MCC: variants seen among roughly 807,000 people sequenced by gnomAD.
The protein encoded by MCC is MCC regulator of Wnt signaling pathway.
In MCC, 90 loss-of-function variants were observed where a neutral mutation model predicts 116.2. The observed-to-expected ratio is 0.77, with a 90% confidence interval of 0.65 to 0.92. The LOEUF (loss-of-function observed/expected upper bound fraction) is 0.92, where lower values mean the gene tolerates loss of function less well. Among genes scored for constraint, MCC ranks in the 40% least tolerant of loss-of-function variants. MCC has a pLI of 0.00. For synonymous variants in MCC, 578 were observed against 510.5 expected (o/e 1.13, Z -1.78); for missense variants, 1,516 against 1,312.2 (o/e 1.16, Z -2.40).
intron 3 of MCC, among the ~76,000 whole-genome samples, chr5:113,153,499 C>G (rs77859271): frequency 0.13 from 19,337 of 152,194 alleles, 1,692 homozygotes; most frequent in African/African-American, 0.25. Flanking sequence ...TTCTGGCCTA[C>G]CAGCTCTCCA....
At chr5:113,251,124 C>G (rs115274433) in intron 3 of MCC, among the ~76,000 whole-genome samples, 2,121 of 152,320 alleles carry the variant, frequency 0.014, 57 homozygotes, top group African/African-American at 0.048. Context: ...AAAATAAAGT[C>G]ACCCAGTCTT....
At chr5:113,358,714 T>C (rs550596231) in intron 2 of MCC, among the ~76,000 whole-genome samples, 2 of 152,192 alleles carry the variant, frequency 1.3e-5, no homozygotes, top group African/African-American at 2.4e-5. Flanking sequence ...GGGATAATTT[T>C]AACAAATTGG....
intron 6 of MCC, among the ~76,000 whole-genome samples, chr5:113,119,926 G>C (rs1332865781): frequency 6.6e-6 from 1 of 152,210 alleles, no homozygotes; most frequent in African/African-American, 2.4e-5. Flanking sequence ...GAGGACCAGT[G>C]CAACAGACGC....
At chr5:113,183,014 A>C (rs1269339933) in intron 3 of MCC, among the ~76,000 whole-genome samples, 1 of 152,216 alleles carries the variant, frequency 6.6e-6, no homozygotes, top group Non-Finnish European at 1.5e-5. Flanking sequence ...TGGGAGAAGG[A>C]TTTCAACAGG....
intron 1 of MCC, among the ~76,000 whole-genome samples, chr5:113,477,383 C>T (rs1222868110): frequency 6.6e-6 from 1 of 152,194 alleles, no homozygotes; most frequent in Non-Finnish European, 1.5e-5. Context: ...AGGTCATAAT[C>T]ATAGGTCACA....
chr5:113,298,834 A>C (rs1271594791), intron 3 of MCC, among the ~76,000 whole-genome samples: 1 of 152,210 alleles, frequency 6.6e-6, no homozygotes, highest in Non-Finnish European at 1.5e-5. Context: ...GTAATTGTGA[A>C]GGGGAAACGA....
intron 15 of MCC, among the ~76,000 whole-genome samples, 153 bp downstream of exon 15, chr5:113,053,572 A>C (rs1190199554): frequency 2.6e-5 from 4 of 152,132 alleles, no homozygotes; most frequent in African/African-American, 9.7e-5. Flanking sequence ...TGACCCCCAG[A>C]CATAGTGAAA....
chr5:113,389,362 C>G (rs1769350943), intron 1 of MCC, among the ~76,000 whole-genome samples: 1 of 152,174 alleles, frequency 6.6e-6, no homozygotes, highest in Non-Finnish European at 1.5e-5. Context: ...GGCCTTGAGA[C>G]TGGCTTTGAC....
chr5:113,157,512 C>T (rs759334775), intron 3 of MCC, among the ~76,000 whole-genome samples: 5 of 150,436 alleles, frequency 3.3e-5, no homozygotes, highest in Admixed American at 2.0e-4. Flanking sequence ...TAGATACATG[C>T]ACCTCATGCT....
intron 3 of MCC, chr5:113,294,868 G>A: frequency 1.0e-6 from 1 of 985,896 alleles, no homozygotes; most frequent in Non-Finnish European, 1.2e-6. Flanking sequence ...GAGAAGGAAA[G>A]AAAGCTAGAG....
intron 3 of MCC, among the ~76,000 whole-genome samples, chr5:113,227,211 C>T (rs1488790957): frequency 2.0e-5 from 3 of 152,202 alleles, no homozygotes; most frequent in Admixed American, 6.5e-5. Context: ...ACATTTGAGA[C>T]TCTTGAAGTT....
Position 113,148,666 on chromosome 5 carries a change from T to C in MCC, c.741+2643A>G, listed in dbSNP as rs373739320. On this transcript the variant is annotated intron_variant, in intron 4 of 18. Coordinates refer to ENST00000408903, the MANE Select transcript of MCC (RefSeq NM_001085377.2). ...TAACACCAAAAGTGCAGCACAGTCA[T>C]TTCATTGTTCTTATATTTTTCTTGC... is the stretch of plus-strand genomic sequence containing the variant. 3.3e-5 allele frequency among the ~76,000 whole-genome samples: 5 copies of C among 152,326 alleles called. No individual in the cohort carries two copies. In the South Asian group the frequency reaches 1.0e-3, roughly 32 times the overall value.
At chr5:113,179,873 C>A (rs1277039658) in intron 3 of MCC, among the ~76,000 whole-genome samples, 1 of 152,220 alleles carries the variant, frequency 6.6e-6, no homozygotes, top group African/African-American at 2.4e-5. Flanking sequence ...GCTTCACCAT[C>A]TTTTGTCTTC....
chr5:113,300,477 C>T (rs1009519307), intron 3 of MCC, among the ~76,000 whole-genome samples: 4 of 152,196 alleles, frequency 2.6e-5, no homozygotes, highest in Non-Finnish European at 2.9e-5. Flanking sequence ...TTCTCAACCA[C>T]GCCCAGAGTG....
At chr5:113,074,234 T>G (rs1382197096) in intron 11 of MCC, among the ~76,000 whole-genome samples, 1 of 152,194 alleles carries the variant, frequency 6.6e-6, no homozygotes, top group Non-Finnish European at 1.5e-5. Context: ...TATTTGCTGT[T>G]CTGCAGCCTC....
chr5:113,130,330 C>G (rs1758346610), intron 5 of MCC, among the ~76,000 whole-genome samples: 1 of 152,128 alleles, frequency 6.6e-6, no homozygotes, highest in Middle Eastern at 3.4e-3. Flanking sequence ...ACACTGGGGC[C>G]TGTCTGGGGA....
At chr5:113,152,937 A>C (rs1463935421) in intron 3 of MCC, among the ~76,000 whole-genome samples, 1 of 152,190 alleles carries the variant, frequency 6.6e-6, no homozygotes. Flanking sequence ...TTCAGATACA[A>C]CGTTTTGTGT....
At position 113,104,350 on chromosome 5, in the gene MCC, A is replaced by G. The variant is rs1756609484; in HGVS notation, c.1033T>C (p.Cys345Arg). 5 of 1,607,246 alleles carry G rather than the reference A, an allele frequency of 3.1e-6. No individual in the cohort carries two copies. The highest frequency in any genetic ancestry group is 4.3e-6 in the Non-Finnish European group (5 of 1,176,054). Residue 345 changes from cysteine (C) to arginine (R), a missense_variant, in exon 7 of 19, where the codon TGC (cysteine) becomes CGC (arginine). Cys to Arg is a radical substitution (Grantham distance 180). Transcript: ENST00000408903. Reference protein sequence around the residue: ...STMVTADMDNCSDLNSELQRV... With the variant: ...STMVTADMDNRSDLNSELQRV... Reference sequence around the variant, plus strand: ...TGCAGTTCTGAGTTCAGGTCACTGCAGTTGTCTGTGAGTGAATGAAGACAA... The same window carrying G: ...TGCAGTTCTGAGTTCAGGTCACTGCGGTTGTCTGTGAGTGAATGAAGACAA...
At chr5:113,383,284 T>C (rs962790933) in intron 2 of MCC, among the ~76,000 whole-genome samples, 7 of 152,218 alleles carry the variant, frequency 4.6e-5, no homozygotes, top group African/African-American at 1.7e-4. Flanking sequence ...CACTTATGTG[T>C]TTATAGAAGA....
Sources: gnomAD v4.1 joint callset for allele counts (sites outside exome capture counted in the v4.1 genomes callset) on GRCh38, gnomAD v4.1.1 for gene constraint, MANE v1.5 for transcripts, NCBI Gene and HGNC (gene_info 2026-07-23, HGNC 2026-07-21) for gene names.